The following MALRD1 variants were observed in gnomAD, a reference collection of about 807,000 sequenced individuals.
The protein encoded by MALRD1 is MAM and LDL-receptor class A domain-containing protein 1.
In MALRD1, 247 loss-of-function variants were observed where a neutral mutation model predicts 242.1. The observed-to-expected ratio is 1.02, with a 90% CI of 0.92 to 1.13. The LOEUF is 1.13. Among genes scored for constraint, MALRD1 ranks in the 50% most tolerant of loss-of-function variants. The pLI is 0.00. For synonymous variants in MALRD1, 995 were observed against 866.6 expected, an observed-to-expected ratio of 1.15 and a Z score of -2.60; for missense variants, 2,989 against 2,533.1, an observed-to-expected ratio of 1.18 and a Z score of -3.86.
At position 19,261,651 on chromosome 10, in the gene MALRD1, A is replaced by G. The variant is rs372906933; in HGVS notation, c.3079+3880A>G. Among the ~76,000 whole-genome samples, 54 of 152,138 alleles carry G rather than the reference A, an allele frequency of 3.5e-4. 1 individual carries two copies. In the South Asian group the frequency reaches 0.01, roughly 29 times the overall value. Reference sequence around the variant, plus strand: ...TAAATAAAAACTCAAAGTCACATACACACAAACCAAAATGTTGACCTAATC... The same window carrying G: ...TAAATAAAAACTCAAAGTCACATACGCACAAACCAAAATGTTGACCTAATC... On this transcript the variant is annotated intron_variant, in intron 19 of 39. Transcript: ENST00000454679.
intron 36 of MALRD1, among the ~76,000 whole-genome samples, chr10:19,628,658 G>T (rs1839782789): frequency 6.6e-6 from 1 of 152,074 alleles, no homozygotes; most frequent in Admixed American, 6.6e-5. Flanking sequence ...GGGAAAGAGA[G>T]ATTTCATACT....
intron 29 of MALRD1, among the ~76,000 whole-genome samples, chr10:19,462,555 C>G (rs10740900): frequency 0.24 from 35,841 of 152,188 alleles, 5,195 homozygotes; most frequent in East Asian, 0.41. Flanking sequence ...ATTTCCTGAT[C>G]TGTGGGCCTC....
intron 28 of MALRD1, among the ~76,000 whole-genome samples, chr10:19,433,910 A>G (rs1040905270): frequency 1.3e-5 from 2 of 152,072 alleles, no homozygotes; most frequent in Admixed American, 6.6e-5. Flanking sequence ...ACACAGGGAT[A>G]TTTATATCAT....
chr10:19,447,605 G>T (rs759992435), intron 28 of MALRD1, among the ~76,000 whole-genome samples: 1 of 152,140 alleles, frequency 6.6e-6, no homozygotes, highest in African/African-American at 2.4e-5. Flanking sequence ...TTGGGGATTT[G>T]CCATACCTAA....
chr10:19,696,871 A>G (rs1489924455), intron 38 of MALRD1, among the ~76,000 whole-genome samples: 2 of 152,126 alleles, frequency 1.3e-5, no homozygotes, highest in Admixed American at 1.3e-4. Context: ...AGCTGAGGTC[A>G]CGCCACCACA....
intron 21 of MALRD1, among the ~76,000 whole-genome samples, chr10:19,319,426 T>C (rs1182267907): frequency 6.6e-6 from 1 of 152,144 alleles, no homozygotes; most frequent in East Asian, 1.9e-4. Context: ...TTTTCATAAA[T>C]CAGATGTCCA....
chr10:19,475,239 C>T (rs1012115369), intron 29 of MALRD1, among the ~76,000 whole-genome samples: 1 of 152,056 alleles, frequency 6.6e-6, no homozygotes, highest in Non-Finnish European at 1.5e-5. Context: ...CACAGCGAAA[C>T]CCCGTCTCTA....
rs115667470 is a variant in MALRD1 at position 19,283,692 on chromosome 10, C to T, written c.3419+511C>T. 6.9e-3 allele frequency among the ~76,000 whole-genome samples: 1,058 copies of T among 152,262 alleles called. 18 individuals carry two copies. Among genetic ancestry groups the T allele is most frequent in the African/African-American group, 0.024 (1,008 of 41,534 alleles). The stretch of plus-strand genomic sequence containing the variant: ...CATAGGTGAAAAGATTTTTCCACTT[C>T]TCAATAAATCATGCCATTAAATATT... On this transcript the variant is annotated intron_variant, in intron 21 of 39. Coordinates refer to ENST00000454679, the MANE Select transcript of MALRD1 (RefSeq NM_001142308.3).
At chr10:19,604,610 A>G (rs190399386) in intron 34 of MALRD1, among the ~76,000 whole-genome samples, 2 of 152,290 alleles carry the variant, frequency 1.3e-5, no homozygotes, top group East Asian at 3.9e-4. Flanking sequence ...AGCTAAAATC[A>G]TTGATGAATG....
At chr10:19,331,944 C>T (rs754531281) in intron 24 of MALRD1, among the ~76,000 whole-genome samples, 17 of 152,124 alleles carry the variant, frequency 1.1e-4, no homozygotes, top group Admixed American at 6.5e-5. Context: ...CGGTTCACTG[C>T]AAACTCCGCC....
intron 31 of MALRD1, among the ~76,000 whole-genome samples, chr10:19,512,818 A>G (rs897050601): frequency 2.8e-4 from 43 of 152,308 alleles, no homozygotes; most frequent in African/African-American, 9.4e-4. Context: ...TAGTCACTCC[A>G]AGATTTTTTT....
intron 26 of MALRD1, among the ~76,000 whole-genome samples, chr10:19,371,499 G>GT (rs1353125660): frequency 3.9e-4 from 58 of 150,374 alleles, no homozygotes; most frequent in African/African-American, 1.3e-3. Context: ...TTTGTTTTTT[G>GT]TTTTTTTCTT....
At chr10:19,632,223 A>T (rs1839933886) in intron 36 of MALRD1, among the ~76,000 whole-genome samples, 1 of 152,168 alleles carries the variant, frequency 6.6e-6, no homozygotes, top group Admixed American at 6.6e-5. Flanking sequence ...CTTCAAAGAA[A>T]AATCTGTAGT....
chr10:19,160,227 T>C (rs1834338967), intron 12 of MALRD1, among the ~76,000 whole-genome samples: 1 of 151,688 alleles, frequency 6.6e-6, no homozygotes, highest in Non-Finnish European at 1.5e-5. Context: ...AATCATGTGG[T>C]TTTTGTCTTT....
intron 4 of MALRD1, among the ~76,000 whole-genome samples, chr10:19,094,060 GC>G (rs1373499241): frequency 9.3e-6 from 1 of 108,000 alleles, no homozygotes; most frequent in African/African-American, 3.8e-5. Flanking sequence ...TCTGTGCCCT[GC>G]CCCCAGAGGT....
At chr10:19,207,582 C>A (rs899957715) in intron 17 of MALRD1, among the ~76,000 whole-genome samples, 1 of 152,104 alleles carries the variant, frequency 6.6e-6, no homozygotes, top group East Asian at 1.9e-4. Flanking sequence ...CTCACTGCAA[C>A]CTCTGCCTCC....
intron 29 of MALRD1, among the ~76,000 whole-genome samples, chr10:19,474,696 A>G (rs1836648812): frequency 6.6e-6 from 1 of 152,216 alleles, no homozygotes; most frequent in Non-Finnish European, 1.5e-5. Flanking sequence ...TCAAAGAAGC[A>G]TTTTGTTCTT....
intron 29 of MALRD1, among the ~76,000 whole-genome samples, chr10:19,456,618 T>C (rs1835663087): frequency 6.6e-6 from 1 of 152,148 alleles, no homozygotes. Flanking sequence ...TCTGCTCACA[T>C]TTGAGTGCTC....
rs186967457 is a variant in MALRD1 at position 19,154,222 on chromosome 10, A to G, written c.1559-853A>G. 3.3e-5 allele frequency among the ~76,000 whole-genome samples: 5 copies of G among 152,324 alleles called. No individual in the cohort carries two copies. In the East Asian group the frequency reaches 9.6e-4, roughly 29 times the overall value. ...CTCAAAGATGACACTGCTGCCTCAC[A>G]TCCTTGGTTGTTTGGTTAAACATGT... On this transcript the variant is annotated intron_variant, in intron 11 of 39. Transcript: ENST00000454679.
Sources: allele counts gnomAD v4.1 joint callset (sites outside exome capture counted in the v4.1 genomes callset), GRCh38; gene constraint gnomAD v4.1.1; transcripts MANE v1.5; gene names NCBI Gene and HGNC (gene_info 2026-07-23, HGNC 2026-07-21).